Variants in CSGALNACT1 observed in about 807,000 individuals in gnomAD.
CSGALNACT1 encodes beta4GalNAcT-1.
In CSGALNACT1, 52 loss-of-function variants were observed where a neutral mutation model predicts 51.0. The ratio of observed to expected loss-of-function variants is 1.02; its 90% CI spans 0.82 to 1.29. The LOEUF (loss-of-function observed/expected upper bound fraction) is 1.29, where lower values mean the gene tolerates loss of function less well. Among genes scored for constraint, CSGALNACT1 ranks in the 50% most tolerant of loss-of-function variants. The probability of loss-of-function intolerance (pLI) is 0.00; values close to 1 mark genes in which losing one functional copy is unlikely to be tolerated. For synonymous variants in CSGALNACT1, 341 were observed against 254.4 expected, an observed-to-expected ratio of 1.34 and a Z score of -3.24; for missense variants, 935 against 679.2, an observed-to-expected ratio of 1.38 and a Z score of -4.19.
At chr8:19,731,305 C>G (rs1001034179) in intron 1 of CSGALNACT1, among the ~76,000 whole-genome samples, 4 of 151,950 alleles carry the variant, frequency 2.6e-5, no homozygotes, top group Non-Finnish European at 5.9e-5. Context: ...GTCAGGAGTT[C>G]GAGGCCAGCC....
chr8:19,475,545 C>T (rs376938973), intron 4 of CSGALNACT1, among the ~76,000 whole-genome samples: 6 of 152,190 alleles, frequency 3.9e-5, no homozygotes, highest in African/African-American at 1.4e-4. Flanking sequence ...ACACTTCCCT[C>T]CACAACCTTG....
chr8:19,604,628 C>T (rs2154147471), upstream of CSGALNACT1, among the ~76,000 whole-genome samples: 1 of 151,468 alleles, frequency 6.6e-6, no homozygotes, highest in South Asian at 2.1e-4. Context: ...TATGGGGCGG[C>T]CAGGTACGGT....
rs1564387484 is a variant in CSGALNACT1, at chr8:19,667,080, AAAGAAAGAAAGAAAGAAAGG to A, written c.-544+15373_-544+15392del. Among the ~76,000 whole-genome samples the A allele has an allele frequency of 1.9e-3, 242 of 126,996 alleles. 53 individuals carry two copies. The highest frequency in any genetic ancestry group is 5.2e-3 in the African/African-American group (180 of 34,362). 83.3% of individuals were successfully genotyped at this position (126,996 alleles called of 152,430 possible). On this transcript the variant is annotated intron_variant, in intron 1 of 9. Coordinates refer to the CSGALNACT1 transcript ENST00000332246. ...GAAAGAAAGAAAGAAAGAAAGAAAG[AAAGAAAGAAAGAAAGAAAGG>A]GAAAGAAATCTCATCACAATATCAA...
At chr8:19,422,112 C>T (rs2058044063) in intron 6 of CSGALNACT1, among the ~76,000 whole-genome samples, 1 of 152,082 alleles carries the variant, frequency 6.6e-6, no homozygotes, top group Admixed American at 6.6e-5. Flanking sequence ...CTCAAATTCC[C>T]CTTTACACAC....
At position 19,597,153 on chromosome 8, in the gene CSGALNACT1, T is replaced by C. The variant is rs139728774; in HGVS notation, c.-416+4618A>G. On this transcript the variant is annotated intron_variant, in intron 2 of 9. Transcript: ENST00000454498. ...CATCATGTCTCAAACTGCATCCATA[T>C]TTTAGTAGGTGTCAGAATTTCTCTC... Among the ~76,000 whole-genome samples the C allele has an allele frequency of 2.3e-3, 349 of 152,276 alleles. 1 individual carries two copies. The highest frequency in any genetic ancestry group is 8.0e-3 in the African/African-American group (331 of 41,564).
chr8:19,505,917 C>T lies in CSGALNACT1; in HGVS notation c.-83G>A, dbSNP rs757346879. The T allele has an allele frequency of 2.6e-6, 4 of 1,556,096 alleles. No homozygotes were observed. Among genetic ancestry groups the T allele is most frequent in the Non-Finnish European group, 2.6e-6 (3 of 1,142,192 alleles). On this transcript the variant is annotated 5_prime_UTR_variant, in exon 4 of 10. It adds an upstream start codon to the 5' untranslated region. Coordinates refer to ENST00000454498, the Ensembl canonical transcript of CSGALNACT1. ...GGAAGGGCTTCCCTGGGCTAGACCA[C>T]AGGAAGCATGCGTTTGGGGCCCCCG...
intron 4 of CSGALNACT1, among the ~76,000 whole-genome samples, chr8:19,465,474 CT>C (rs1342311452): frequency 6.6e-6 from 1 of 152,110 alleles, no homozygotes; most frequent in Admixed American, 6.5e-5. Flanking sequence ...GAACTGTCCA[CT>C]AAAAAATGCT....
chr8:19,628,512 G>A (rs888196835), intron 1 of CSGALNACT1, among the ~76,000 whole-genome samples: 60 of 152,218 alleles, frequency 3.9e-4, no homozygotes, highest in African/African-American at 1.4e-3. Context: ...CGTATCAACA[G>A]TGTTCACTGC....
intron 3 of CSGALNACT1, among the ~76,000 whole-genome samples, chr8:19,556,153 G>A (rs1056398976): frequency 4.6e-5 from 7 of 152,162 alleles, no homozygotes; most frequent in South Asian, 2.1e-4. Context: ...TGAGGTGGGC[G>A]GATTACCTGA....
chr8:19,435,794 G>A (rs1008708858), intron 6 of CSGALNACT1, among the ~76,000 whole-genome samples: 23 of 152,100 alleles, frequency 1.5e-4, no homozygotes, highest in African/African-American at 5.6e-4. Context: ...ATTGAGAATC[G>A]ATTTGTATTT....
At chr8:19,583,491 C>G (rs2046008304) in intron 3 of CSGALNACT1, among the ~76,000 whole-genome samples, 1 of 152,092 alleles carries the variant, frequency 6.6e-6, no homozygotes, top group Non-Finnish European at 1.5e-5. Context: ...TATATAGTAC[C>G]AGATCAGCTT....
intron 1 of CSGALNACT1, among the ~76,000 whole-genome samples, chr8:19,679,473 A>G (rs2060438317): frequency 6.6e-6 from 1 of 152,124 alleles, no homozygotes; most frequent in Non-Finnish European, 1.5e-5. Context: ...TAAAAAATAA[A>G]ATAAAATAAA....
chr8:19,667,932 G>T (rs1458658146), intron 1 of CSGALNACT1, among the ~76,000 whole-genome samples: 2 of 152,112 alleles, frequency 1.3e-5, no homozygotes, highest in Non-Finnish European at 2.9e-5. Context: ...AGAAGAAATA[G>T]AATTAAAGCG....
At chr8:19,506,317 G>T (rs967379854) in intron 3 of CSGALNACT1, among the ~76,000 whole-genome samples, 187 bp from the exon 3 acceptor site, 5 of 152,154 alleles carry the variant, frequency 3.3e-5, no homozygotes, top group South Asian at 4.1e-4. Flanking sequence ...ACGCAAATAA[G>T]CAACAAAGGA....
chr8:19,443,288 G>T (rs1437981833), intron 5 of CSGALNACT1, among the ~76,000 whole-genome samples: 1 of 152,202 alleles, frequency 6.6e-6, no homozygotes, highest in Non-Finnish European at 1.5e-5. Flanking sequence ...GCATGTAAAT[G>T]TATGTATGTG....
At position 19,487,054 on chromosome 8, in the gene CSGALNACT1, T is replaced by C. The variant is rs144104060; in HGVS notation, c.634+18147A>G. Reference sequence around the variant, plus strand: ...TTATTTTTGGGGAAGAAAGTTAACCTACATTCAGATGCCAACTCATGCTTT... The same window carrying C: ...TTATTTTTGGGGAAGAAAGTTAACCCACATTCAGATGCCAACTCATGCTTT... On this transcript the variant is annotated intron_variant, in intron 4 of 9. Transcript: ENST00000454498. Among the ~76,000 whole-genome samples the C allele has an allele frequency of 9.0e-3, 1,373 of 152,372 alleles. 23 individuals carry two copies. The highest frequency in any genetic ancestry group is 0.032 in the African/African-American group (1,312 of 41,594).
At chr8:19,454,208 G>A (rs1423218200) in intron 5 of CSGALNACT1, among the ~76,000 whole-genome samples, 4 of 152,256 alleles carry the variant, frequency 2.6e-5, no homozygotes, top group South Asian at 2.1e-4. Context: ...CACTTGCGAC[G>A]TTTCTTGAAA....
At chr8:19,456,414 G>A (rs1241823795) in intron 5 of CSGALNACT1, among the ~76,000 whole-genome samples, 5 of 152,292 alleles carry the variant, frequency 3.3e-5, no homozygotes, top group South Asian at 2.1e-4. Context: ...ATGAACTTGC[G>A]ATAACCTCGT....
At chr8:19,498,465 C>G (rs966985877) in intron 4 of CSGALNACT1, among the ~76,000 whole-genome samples, 1 of 152,208 alleles carries the variant, frequency 6.6e-6, no homozygotes, top group Non-Finnish European at 1.5e-5. Flanking sequence ...AGGCACCATT[C>G]ATGTGCAGGG....
Sources: gnomAD v4.1 joint callset for allele counts (sites outside exome capture counted in the v4.1 genomes callset) on GRCh38, gnomAD v4.1.1 for gene constraint, MANE v1.5 for transcripts, NCBI Gene and HGNC (gene_info 2026-07-23, HGNC 2026-07-21) for gene names.